The following ATP6V0D1 variants were observed in gnomAD, a reference collection of about 807,000 sequenced individuals.
ATP6V0D1 encodes the protein V-type proton ATPase subunit d 1.
A neutral mutation model predicts 39.0 loss-of-function variants in ATP6V0D1; 13 were observed. The ratio of observed to expected loss-of-function variants is 0.33; its 90% CI spans 0.22 to 0.53. ATP6V0D1 has a LOEUF of 0.53. Among genes scored for constraint, ATP6V0D1 ranks in the 20% least tolerant of loss-of-function variants. The pLI, the probability that ATP6V0D1 is intolerant of heterozygous loss-of-function variation, is 0.94. For missense variants in ATP6V0D1, 272 were observed against 470.9 expected (o/e 0.58, Z 3.91); for synonymous variants, 191 against 191.2 (o/e 1.00, Z 0.01).
intron 1 of ATP6V0D1, among the ~76,000 whole-genome samples, chr16:67,479,917 CGG>C (rs2041451224): frequency 1.4e-5 from 2 of 140,520 alleles, no homozygotes; most frequent in African/African-American, 3.3e-5. Flanking sequence ...GTCAACGCCA[CGG>C]CCGGGCGCGG....
At chr16:67,450,830 G>A (rs1048371582) in intron 2 of ATP6V0D1, among the ~76,000 whole-genome samples, 4 of 152,174 alleles carry the variant, frequency 2.6e-5, no homozygotes, top group Admixed American at 6.5e-5. Flanking sequence ...GTAAGGTGAG[G>A]GCACTCAGAA....
chr16:67,463,938 C>G (rs1226498008), intron 1 of ATP6V0D1, among the ~76,000 whole-genome samples: 2 of 152,226 alleles, frequency 1.3e-5, no homozygotes, highest in Non-Finnish European at 2.9e-5. Context: ...ATGACTGAAG[C>G]CACTGGGGGA....
rs1338229488 is a variant in ATP6V0D1, at chr16:67,477,065, T to C, written c.130+3892A>G. ...AAAAAAGAAGTACAAACATCACCTA[T>C]TAAGTATTTACAAAAAAAAAAAAAA... On this transcript the variant is annotated intron_variant, in intron 1 of 7. Coordinates refer to ENST00000290949, the MANE Select transcript of ATP6V0D1 (RefSeq NM_004691.5). 8.3e-5 allele frequency among the ~76,000 whole-genome samples: 12 copies of C among 143,936 alleles called. No individual in the cohort carries two copies. In the East Asian group the frequency reaches 1.8e-3, roughly 21 times the overall value. The allele number at this position is 143,936 out of a possible 152,430, so 94.4% of individuals were successfully genotyped here. A position where few individuals can be genotyped will look rare whatever the true frequency, so the allele number is the denominator to read the frequency against.
At chr16:67,464,964 T>G (rs2041317515) in intron 1 of ATP6V0D1, among the ~76,000 whole-genome samples, 1 of 152,254 alleles carries the variant, frequency 6.6e-6, no homozygotes, top group South Asian at 2.1e-4. Context: ...CCCTTGTGCC[T>G]ACTCCTTGGT....
intron 2 of ATP6V0D1, chr16:67,452,317 G>T (rs1413795201): frequency 6.5e-7 from 1 of 1,535,722 alleles, no homozygotes; most frequent in South Asian, 1.2e-5. Context: ...CCTAGCTTGG[G>T]CATGTTCCCT....
At chr16:67,463,684 G>A (rs1290849381) in intron 1 of ATP6V0D1, among the ~76,000 whole-genome samples, 6 of 152,246 alleles carry the variant, frequency 3.9e-5, no homozygotes, top group African/African-American at 1.4e-4. Flanking sequence ...GCAGAGCCAA[G>A]AGGCTTGGTC....
At chr16:67,459,204 G>A in intron 1 of ATP6V0D1, 2 of 985,528 alleles carry the variant, frequency 2.0e-6, no homozygotes, top group South Asian at 9.4e-5. Context: ...GCCGGAGAGA[G>A]AAGCCCTTGA....
intron 5 of ATP6V0D1, 36 bp from the exon 6 acceptor site, chr16:67,439,183 G>A (rs752110818): frequency 2.5e-6 from 4 of 1,613,398 alleles, no homozygotes; most frequent in Admixed American, 3.3e-5. Context: ...AGAGAGGGAG[G>A]AAGAAGGAGG....
chr16:67,477,230 G>A (rs897798929), intron 1 of ATP6V0D1, among the ~76,000 whole-genome samples: 1 of 152,134 alleles, frequency 6.6e-6, no homozygotes, highest in East Asian at 1.9e-4. Context: ...TATTAATCAA[G>A]TGATCTAACT....
chr16:67,466,663 T>C (rs959963679), intron 1 of ATP6V0D1, among the ~76,000 whole-genome samples: 4 of 151,970 alleles, frequency 2.6e-5, no homozygotes, highest in African/African-American at 7.3e-5. Flanking sequence ...TAATGAGACC[T>C]TGTCTCTACC....
chr16:67,454,865 T>C, intron 1 of ATP6V0D1: 1 of 152,414 alleles, frequency 6.6e-6, no homozygotes. Context: ...TCCCCAGCCA[T>C]GTCCCCACCT....
At chr16:67,442,710 A>G (rs2041067272) in intron 4 of ATP6V0D1, among the ~76,000 whole-genome samples, 1 of 152,084 alleles carries the variant, frequency 6.6e-6, no homozygotes, top group Non-Finnish European at 1.5e-5. Flanking sequence ...ATAAGTGAGC[A>G]CACTGTTGCC....
rs976066001 is a variant in ATP6V0D1 at position 67,444,121 on chromosome 16, G to A, written c.481+407C>T. ...GGAGGGAAGTGGCAGTGTTTGCTTC[G>A]CTCCTTGCCTCACAGGCAGCCACTC... On this transcript the variant is annotated intron_variant, in intron 3 of 7. Coordinates refer to ENST00000290949, the MANE Select transcript of ATP6V0D1 (RefSeq NM_004691.5). This position sits in a 1 kb window ranked among gnomAD's most constrained non-coding sequence, Gnocchi z 4.8. Among the ~76,000 whole-genome samples the A allele has an allele frequency of 6.6e-6, 1 of 152,210 alleles. No individual in the cohort carries two copies. Among genetic ancestry groups the A allele is most frequent in the African/African-American group, 2.4e-5 (1 of 41,448 alleles).
At chr16:67,466,378 A>ACAC (rs1429363816) in intron 1 of ATP6V0D1, among the ~76,000 whole-genome samples, 1 of 134,388 alleles carries the variant, frequency 7.4e-6, no homozygotes, top group African/African-American at 2.8e-5. Flanking sequence ...CACACACACA[A>ACAC]AATTAGCCAG....
chr16:67,452,462 T>G, intron 2 of ATP6V0D1: 1 of 1,462,408 alleles, frequency 6.8e-7, no homozygotes, highest in Non-Finnish European at 9.3e-7. Flanking sequence ...GCAGCAGGCA[T>G]CTAACTCTGT....
chr16:67,438,700 G>T lies in ATP6V0D1; in HGVS notation c.895-11C>A. On this transcript the variant is annotated splice_polypyrimidine_tract_variant and intron_variant, in intron 7 of 7. Coordinates refer to ENST00000290949, the MANE Select transcript of ATP6V0D1 (RefSeq NM_004691.5). ...CTTGTTCAGCTTTACCTGTGGACAC[G>T]GGCAGATGTGGTGTCCAGGTGGCCA... The T allele has an allele frequency of 6.2e-7, 1 of 1,614,178 alleles. No homozygotes were observed. The highest frequency in any genetic ancestry group is 8.5e-7 in the Non-Finnish European group (1 of 1,180,026).
intron 1 of ATP6V0D1, among the ~76,000 whole-genome samples, chr16:67,477,573 C>CAATAAGAAT (rs2041425875): frequency 6.6e-6 from 1 of 151,870 alleles, no homozygotes; most frequent in Non-Finnish European, 1.5e-5. Context: ...ATTATTTTAT[C>CAATAAGAAT]AATAAGAATT....
At position 67,439,023 on chromosome 16, in the gene ATP6V0D1, A is replaced by G. The variant is rs1168698503; in HGVS notation, c.764T>C (p.Leu255Pro). The G allele has an allele frequency of 6.2e-7, 1 of 1,614,178 alleles. No homozygotes were observed. The highest frequency in any genetic ancestry group is 1.7e-5 in the Admixed American group (1 of 60,024). ...GRLYPEGLAQLARADDYEQVK... is the reference protein window; with the variant it reads ...GRLYPEGLAQPARADDYEQVK... ...CTGTTCATAGTCGTCAGCCCGAGCCAGCTGCGCCAGGCCCTCAGGGTAGAG... is the reference window on the plus strand; with the variant it reads ...CTGTTCATAGTCGTCAGCCCGAGCCGGCTGCGCCAGGCCCTCAGGGTAGAG... The change falls in exon 6 of 8, where the codon CTG (leucine) becomes CCG (proline). Residue 255 changes from leucine to proline, a missense_variant. Around this residue, in one of 4 missense-constraint regions of ATP6V0D1, gnomAD observed 135 missense variants for 273.8 expected, o/e 0.49. Transcript: ENST00000290949.
chr16:67,439,999 TAGAA>T (rs1288519336), intron 4 of ATP6V0D1: 9 of 152,372 alleles, frequency 5.9e-5, no homozygotes, highest in Admixed American at 3.9e-4. Context: ...GCCTGGGCGA[TAGAA>T]AGAGACTCCG....
Sources: allele counts gnomAD v4.1 joint callset (sites outside exome capture counted in the v4.1 genomes callset), GRCh38; gene constraint gnomAD v4.1.1; regional missense constraint gnomAD v4.1.1; non-coding constraint Gnocchi (gnomAD v3.1); transcripts MANE v1.5; gene names NCBI Gene and HGNC (gene_info 2026-07-23, HGNC 2026-07-21).